The following SPAG16 variants were observed in gnomAD, a reference collection of about 807,000 sequenced individuals.
The protein encoded by SPAG16 is sperm associated antigen 16, also known as sperm-associated antigen 16 protein.
In SPAG16, 86 loss-of-function variants were observed where a neutral mutation model predicts 80.4. The observed-to-expected ratio is 1.07, with a 90% CI of 0.90 to 1.28. SPAG16 has a LOEUF of 1.28. SPAG16 is among the 50% of genes most tolerant of loss of function. SPAG16 has a pLI of 0.00. For synonymous variants in SPAG16, 294 were observed against 265.9 expected (o/e 1.11, Z -1.03); for missense variants, 870 against 765.3 (o/e 1.14, Z -1.61).
At chr2:213,689,949 C>A (rs891957926) in intron 10 of SPAG16, among the ~76,000 whole-genome samples, 1 of 152,138 alleles carries the variant, frequency 6.6e-6, no homozygotes, top group African/African-American at 2.4e-5. Flanking sequence ...TTTACATCCT[C>A]TGAAATTCTT....
intron 15 of SPAG16, among the ~76,000 whole-genome samples, chr2:214,360,623 A>C (rs1405743373): frequency 6.6e-6 from 1 of 151,902 alleles, no homozygotes; most frequent in African/African-American, 2.4e-5. Context: ...AAACTTTTCA[A>C]AATAGATGAA....
intron 10 of SPAG16, among the ~76,000 whole-genome samples, chr2:213,560,525 TGAA>T (rs1393144740): frequency 3.9e-5 from 6 of 152,134 alleles, no homozygotes; most frequent in Non-Finnish European, 7.4e-5. Context: ...CAAAATGCAT[TGAA>T]GAAGAAAAAT....
At chr2:213,886,481 C>G (rs1255000003) in intron 11 of SPAG16, among the ~76,000 whole-genome samples, 1 of 152,016 alleles carries the variant, frequency 6.6e-6, no homozygotes, top group African/African-American at 2.4e-5. Context: ...GTGTCACTTT[C>G]TGATCCCCAA....
intron 11 of SPAG16, among the ~76,000 whole-genome samples, chr2:213,887,481 A>G (rs1378532375): frequency 1.3e-5 from 2 of 151,956 alleles, no homozygotes; most frequent in African/African-American, 4.8e-5. Flanking sequence ...TAACATAAAG[A>G]TGATGTGTCT....
intron 14 of SPAG16, among the ~76,000 whole-genome samples, chr2:214,128,926 G>C (rs976789165): frequency 6.6e-6 from 1 of 151,738 alleles, no homozygotes; most frequent in African/African-American, 2.4e-5. Flanking sequence ...AAGCGGGGAA[G>C]TACCCCTTCT....
At chr2:214,090,235 AAAG>A (rs1165874171) in intron 13 of SPAG16, among the ~76,000 whole-genome samples, 11 of 152,100 alleles carry the variant, frequency 7.2e-5, no homozygotes, top group Non-Finnish European at 1.2e-4. Context: ...ACGAAGAAAA[AAAG>A]AAGAATGATA....
chr2:213,756,769 G>GTTT, intron 10 of SPAG16, among the ~76,000 whole-genome samples: 1 of 151,082 alleles, frequency 6.6e-6, no homozygotes, highest in South Asian at 2.1e-4. Context: ...CACTCAAATA[G>GTTT]TTTTTTTTTA....
intron 15 of SPAG16, among the ~76,000 whole-genome samples, chr2:214,379,526 G>A (rs1700329786): frequency 6.6e-6 from 1 of 152,196 alleles, no homozygotes; most frequent in Non-Finnish European, 1.5e-5. Flanking sequence ...TACTCTCCAT[G>A]TGACTTAAGG....
intron 13 of SPAG16, among the ~76,000 whole-genome samples, chr2:214,031,598 T>TAATAATAATAA (rs1553699487): frequency 3.8e-5 from 5 of 132,470 alleles, no homozygotes; most frequent in Non-Finnish European, 7.9e-5. Flanking sequence ...AGTATAATAA[T>TAATAATAATAA]AATAAAATAA....
intron 15 of SPAG16, among the ~76,000 whole-genome samples, chr2:214,171,896 A>G (rs979548601): frequency 2.6e-5 from 4 of 151,934 alleles, no homozygotes; most frequent in Non-Finnish European, 1.5e-5. Context: ...TTTGAGATTT[A>G]CAACATGATG....
chr2:213,904,882 C>G (rs771457031), intron 11 of SPAG16, among the ~76,000 whole-genome samples: 24 of 152,082 alleles, frequency 1.6e-4, no homozygotes, highest in African/African-American at 5.8e-4. Context: ...TGCTTTATTT[C>G]GTTGTTAGGG....
At chr2:214,174,020 C>T (rs1482578372) in intron 15 of SPAG16, among the ~76,000 whole-genome samples, 1 of 151,970 alleles carries the variant, frequency 6.6e-6, no homozygotes. Context: ...TGACAAAATT[C>T]AACAATCCTT....
At chr2:213,792,616 C>T (rs1477195717) in intron 10 of SPAG16, among the ~76,000 whole-genome samples, 1 of 126,024 alleles carries the variant, frequency 7.9e-6, no homozygotes, top group Non-Finnish European at 1.6e-5. Flanking sequence ...CCGGGTCTCA[C>T]TCTCTTGCCC....
chr2:213,999,947 A>G (rs2046711845), intron 12 of SPAG16, among the ~76,000 whole-genome samples: 1 of 152,218 alleles, frequency 6.6e-6, no homozygotes, highest in Admixed American at 6.5e-5. Flanking sequence ...GTATCTAGGA[A>G]GTAACTAGCT....
At chr2:213,644,304 G>C (rs939100097) in intron 10 of SPAG16, among the ~76,000 whole-genome samples, 10 of 151,878 alleles carry the variant, frequency 6.6e-5, no homozygotes, top group African/African-American at 2.2e-4. Flanking sequence ...TGAATTCTCT[G>C]TCTGAAATGT....
intron 10 of SPAG16, among the ~76,000 whole-genome samples, chr2:213,773,866 C>T (rs1277003122): frequency 6.6e-6 from 1 of 152,166 alleles, no homozygotes; most frequent in African/African-American, 2.4e-5. Context: ...TTGGAAATTT[C>T]TATTGACCTC....
At chr2:213,634,118 T>C (rs114272753) in intron 10 of SPAG16, among the ~76,000 whole-genome samples, 6,935 of 152,232 alleles carry the variant, frequency 0.046, 241 homozygotes, top group Middle Eastern at 0.088. Flanking sequence ...CTTTCCTGTC[T>C]TCTTATAGTG....
chr2:213,967,807 A>G (rs1175745678), intron 12 of SPAG16, among the ~76,000 whole-genome samples: 1 of 152,148 alleles, frequency 6.6e-6, no homozygotes, highest in African/African-American at 2.4e-5. Context: ...TGAAATGTTG[A>G]GTCTGTTTGC....
intron 9 of SPAG16, among the ~76,000 whole-genome samples, chr2:213,400,586 A>T (rs1358722320): frequency 6.6e-6 from 1 of 152,166 alleles, no homozygotes; most frequent in Non-Finnish European, 1.5e-5. Context: ...CTACCAAAAA[A>T]TGTTTTCTTT....
Sources: allele counts gnomAD v4.1 joint callset (sites outside exome capture counted in the v4.1 genomes callset), GRCh38; gene constraint gnomAD v4.1.1; transcripts MANE v1.5; gene names NCBI Gene and HGNC (gene_info 2026-07-23, HGNC 2026-07-21).